Variants in BCO2 observed in about 807,000 individuals in gnomAD.
BCO2 encodes the protein beta-carotene oxygenase 2.
Under a neutral mutation model 65.8 loss-of-function variants are expected in BCO2, and 56 were observed. The observed-to-expected ratio is 0.85, with a 90% CI of 0.69 to 1.06. The LOEUF is 1.06. BCO2 is among the 50% of genes least tolerant of loss of function. BCO2 has a pLI of 0.00. For synonymous variants in BCO2, 233 were observed against 242.3 expected, an observed-to-expected ratio of 0.96 and a Z score of 0.36; for missense variants, 675 against 698.5, an observed-to-expected ratio of 0.97 and a Z score of 0.38.
At chr11:112,181,291 C>T in intron 2 of BCO2, 1 of 552,160 alleles carries the variant, frequency 1.8e-6, no homozygotes, top group Non-Finnish European at 3.2e-6. Context: ...ACGCCATTCT[C>T]CTGCCTCAGC....
rs1867352171 is a variant in BCO2 at position 112,190,697 on chromosome 11, A to T, written c.294-2777A>T. Among the ~76,000 whole-genome samples, 6 of 152,102 alleles carry T rather than the reference A, an allele frequency of 3.9e-5. No individual in the cohort carries two copies. In the South Asian group the frequency reaches 1.2e-3, roughly 32 times the overall value. ...TGGTGAAACCCCGTATCTACTAAAA[A>T]TACAAAAAATTAGCTGGGTGTGGTG... is the stretch of plus-strand genomic sequence containing the variant. On this transcript the variant is annotated intron_variant, in intron 2 of 11. Transcript: ENST00000357685.
At chr11:112,209,684 T>C (rs1292785393) in intron 8 of BCO2, among the ~76,000 whole-genome samples, 1 of 152,222 alleles carries the variant, frequency 6.6e-6, no homozygotes, top group African/African-American at 2.4e-5. Context: ...GATAATCATA[T>C]AACGTTTATC....
Position 112,181,864 on chromosome 11 carries a change from C to T in BCO2, c.293+2382C>T, listed in dbSNP as rs552396239. 1.2e-5 allele frequency: 11 copies of T among 953,208 alleles called. No homozygotes were observed. The African/African-American group carries it at 1.4e-4, about 13-fold the overall frequency. The allele number at this position is 953,208 out of a possible 1,614,324, so 59.0% of individuals were successfully genotyped here. On this transcript the variant is annotated intron_variant, in intron 2 of 11. Transcript: ENST00000357685. Reference sequence around the variant, plus strand: ...CTTTGCTGTTCAAATCTTGAACGAGCTCATCTCTCTGGATCAGTGCTTGAC... The same window carrying T: ...CTTTGCTGTTCAAATCTTGAACGAGTTCATCTCTCTGGATCAGTGCTTGAC...
At chr11:112,204,525 C>T (rs1418413241) in intron 8 of BCO2, among the ~76,000 whole-genome samples, 3 of 152,114 alleles carry the variant, frequency 2.0e-5, no homozygotes, top group Non-Finnish European at 4.4e-5. Context: ...TACCTCTCCA[C>T]CCCTGAGATA....
chr11:112,200,875 A>T, intron 7 of BCO2, 102 bp downstream of exon 7: 3 of 1,279,332 alleles, frequency 2.3e-6, no homozygotes, highest in Non-Finnish European at 3.3e-6. Flanking sequence ...AAAGTGCATA[A>T]GACACTTTTA....
Position 112,216,280 on chromosome 11 carries a change from A to C in BCO2, c.1576A>C (p.Asn526His). 6.2e-7 allele frequency: 1 copy of C among 1,614,208 alleles called. No individual in the cohort carries two copies. Among genetic ancestry groups the C allele is most frequent in the Non-Finnish European group, 8.5e-7 (1 of 1,180,034 alleles). The change falls in exon 11 of 12, where the codon AAT (asparagine) becomes CAT (histidine). Residue 526 changes from asparagine to histidine, a missense_variant. Coordinates refer to ENST00000357685, the MANE Select transcript of BCO2 (RefSeq NM_031938.7). ...TGTTTTTGTTCCAGCACCAGGAACCAATGAAGAAGATGGTGGGGTTATTCT... is the reference window on the plus strand; with the variant it reads ...TGTTTTTGTTCCAGCACCAGGAACCCATGAAGAAGATGGTGGGGTTATTCT... ...EPVFVPAPGT[N>H]EEDGGVILSV...
intron 6 of BCO2, 191 bp from the exon 7 acceptor site, chr11:112,200,422 T>G: frequency 3.9e-6 from 2 of 508,764 alleles, no homozygotes; most frequent in Non-Finnish European, 3.4e-6. Flanking sequence ...TTCTAAGCAG[T>G]TCCCTTTTTT....
Position 112,202,180 on chromosome 11 carries a change from G to A in BCO2, c.1184G>A (p.Gly395Glu), listed in dbSNP as rs1330184709. 1.1e-5 allele frequency: 18 copies of A among 1,608,070 alleles called. No homozygotes were observed. The highest frequency in any genetic ancestry group is 1.5e-5 in the Non-Finnish European group (18 of 1,178,278). Residue 395 changes from glycine (G) to glutamate (E), a missense_variant, in exon 8 of 12, where the codon GGG (glycine) becomes GAG (glutamate). Physicochemically the swap from Gly to Glu is moderately conservative, Grantham distance 98. Coordinates refer to ENST00000357685, the MANE Select transcript of BCO2 (RefSeq NM_031938.7). ...QLQNLRKAGE[G>E]LDQVHNSAAK... is the part of the protein sequence containing the mutation. ...CAGAATCTCAGGAAGGCTGGGGAAG[G>A]GCTTGATCAGGTAAACATTAGAATT...
At chr11:112,201,425 G>A (rs1867730831) in intron 7 of BCO2, among the ~76,000 whole-genome samples, 1 of 152,140 alleles carries the variant, frequency 6.6e-6, no homozygotes, top group Non-Finnish European at 1.5e-5. Context: ...TGGGATTACA[G>A]GCGTGAGCCA....
At chr11:112,181,243 G>A (rs112108324) in intron 2 of BCO2, 9 of 638,912 alleles carry the variant, frequency 1.4e-5, no homozygotes, top group Admixed American at 5.1e-5. Flanking sequence ...GTGCAGTGGC[G>A]GGATCTCGGC....
In BCO2 at chr11:112,202,167, A is replaced by T. The variant is rs756668779; in HGVS notation, c.1171A>T (p.Lys391Ter). ...AGTTTACCAGTTACAGAATCTCAGG[A>T]AGGCTGGGGAAGGGCTTGATCAGGT... ...LEVYQLQNLR[K>*]AGEGLDQVHN... Residue 391 changes from lysine (K) to a stop codon, truncating the protein, a stop_gained, in exon 8 of 12, where the codon AAG (lysine) becomes TAG (stop). Coordinates refer to ENST00000357685, the MANE Select transcript of BCO2 (RefSeq NM_031938.7). LOFTEE classifies it high-confidence loss of function. 6.8e-6 allele frequency: 11 copies of T among 1,612,258 alleles called. No individual in the cohort carries two copies. Among genetic ancestry groups the T allele is most frequent in the Non-Finnish European group, 9.3e-6 (11 of 1,179,482 alleles).
Position 112,202,280 on chromosome 11 carries a change from T to C in BCO2, c.1194+90T>C, listed in dbSNP as rs924011129. ...TTGGAATTACATGTTTCTCTCTCTC[T>C]CTCTCTCTCTTTTTTCTTTTGAGAC... is the stretch of plus-strand genomic sequence containing the variant. On this transcript the variant is annotated intron_variant, in intron 8 of 11. Transcript: ENST00000357685. 1.8e-4 allele frequency: 215 copies of C among 1,191,158 alleles called. 1 individual carries two copies. The highest frequency in any genetic ancestry group is 1.6e-3 in the South Asian group (100 of 62,764). The allele number at this position is 1,191,158 out of a possible 1,614,324, so 73.8% of individuals were successfully genotyped here. A position where few individuals can be genotyped will look rare whatever the true frequency, so the allele number is the denominator to read the frequency against.
Position 112,216,337 on chromosome 11 carries a change from A to T in BCO2, c.1626+7A>T. ...GGTGATCACTCCCAACCAGGTAAAT[A>T]TATTTCCCTATCACCAGTCAGAAAG... is the stretch of plus-strand genomic sequence containing the variant. On this transcript the variant is annotated splice_region_variant and intron_variant, in intron 11 of 11. Transcript: ENST00000357685. 6.3e-7 allele frequency: 1 copy of T among 1,597,816 alleles called. No individual in the cohort carries two copies. The highest frequency in any genetic ancestry group is 8.6e-7 in the Non-Finnish European group (1 of 1,165,196).
chr11:112,198,176 G>A (rs1484350014), intron 5 of BCO2, among the ~76,000 whole-genome samples: 1 of 152,094 alleles, frequency 6.6e-6, no homozygotes, highest in Admixed American at 6.5e-5. Flanking sequence ...AAGAGATTTT[G>A]TCTGAGCACA....
chr11:112,211,716 T>C (rs1334035503), intron 8 of BCO2, among the ~76,000 whole-genome samples: 2 of 152,250 alleles, frequency 1.3e-5, no homozygotes, highest in African/African-American at 4.8e-5. Flanking sequence ...TCCTAATGAC[T>C]AATGATGTTG....
At chr11:112,215,964 C>T (rs537206963) in intron 10 of BCO2, 22 of 386,690 alleles carry the variant, frequency 5.7e-5, no homozygotes, top group Admixed American at 1.4e-4. Context: ...ACCTCTCAGA[C>T]GAACTAATAG....
At position 112,179,421 on chromosome 11, in the gene BCO2, A is replaced by G; in HGVS notation, c.232A>G (p.Lys78Glu). 3 of 1,614,172 alleles carry G rather than the reference A, an allele frequency of 1.9e-6. No homozygotes were observed. Among genetic ancestry groups the G allele is most frequent in the South Asian group, 2.2e-5 (2 of 91,084 alleles). The change falls in exon 2 of 12, where the codon AAG (lysine) becomes GAG (glutamate). Residue 78 changes from lysine to glutamate, a missense_variant. By Grantham distance (56) the Lys-to-Glu change is moderately conservative (BLOSUM62 1). Transcript: ENST00000357685. ...ISARVWGHFPKWLNGSLLRIG... is the reference protein window; with the variant it reads ...ISARVWGHFPEWLNGSLLRIG... Reference sequence around the variant, plus strand: ...TGCTCGAGTCTGGGGACATTTTCCTAAGTGGCTCAATGGCTCTCTACTTCG... The same window carrying G: ...TGCTCGAGTCTGGGGACATTTTCCTGAGTGGCTCAATGGCTCTCTACTTCG...
intron 7 of BCO2, among the ~76,000 whole-genome samples, chr11:112,201,369 C>T (rs1006181308): frequency 1.4e-4 from 22 of 151,986 alleles, no homozygotes; most frequent in African/African-American, 4.8e-4. Context: ...AGGATGGTCT[C>T]GATCTCTTGA....
intron 2 of BCO2, among the ~76,000 whole-genome samples, chr11:112,186,471 C>T (rs542817087): frequency 5.9e-5 from 9 of 152,334 alleles, no homozygotes; most frequent in African/African-American, 2.2e-4. Context: ...TAGTGGTTGA[C>T]TCCCCAGATA....
Sources: allele counts gnomAD v4.1 joint callset (sites outside exome capture counted in the v4.1 genomes callset), GRCh38; gene constraint gnomAD v4.1.1; transcripts MANE v1.5; gene names NCBI Gene and HGNC (gene_info 2026-07-23, HGNC 2026-07-21).